LEPROTL1: variants seen among roughly 807,000 people sequenced by gnomAD.
LEPROTL1 encodes the protein leptin receptor overlapping transcript like 1, also known as leptin receptor overlapping transcript-like 1.
A neutral mutation model predicts 15.4 loss-of-function variants in LEPROTL1; 6 were observed. That is an observed-to-expected ratio of 0.39 (90% confidence interval 0.21 to 0.77). The LOEUF (loss-of-function observed/expected upper bound fraction) is 0.77, where lower values mean the gene tolerates loss of function less well. LEPROTL1 is among the 30% of genes least tolerant of loss of function. LEPROTL1 has a pLI of 0.41. For synonymous variants in LEPROTL1, 56 were observed against 52.6 expected (o/e 1.06, Z -0.28); for missense variants, 128 against 158.1 (o/e 0.81, Z 1.02).
chr8:30,127,279 C>T (rs1269151895), intron 3 of LEPROTL1, among the ~76,000 whole-genome samples: 3 of 152,282 alleles, frequency 2.0e-5, no homozygotes, highest in East Asian at 3.9e-4. Flanking sequence ...TTCTTAATCA[C>T]CAAACTCTCA....
At chr8:30,110,317 T>TA (rs538062055), downstream of LEPROTL1, among the ~76,000 whole-genome samples, 15 of 152,242 alleles carry the variant, frequency 9.9e-5, no homozygotes, top group South Asian at 3.1e-3. Flanking sequence ...ATAAAACACT[T>TA]ATCTTTCAAC....
downstream of LEPROTL1, among the ~76,000 whole-genome samples, chr8:30,112,309 C>T (rs1460835238): frequency 6.8e-6 from 1 of 147,932 alleles, no homozygotes. Context: ...GATCTCGGCT[C>T]ACTGCAACCT....
In LEPROTL1 at chr8:30,105,906, G is replaced by T. The variant is rs200526340; in HGVS notation, c.*44G>T. The T allele has an allele frequency of 1.3e-4, 188 of 1,448,980 alleles. No individual in the cohort carries two copies. Among genetic ancestry groups the T allele is most frequent in the Admixed American group, 2.7e-4 (11 of 40,456 alleles). The allele number at this position is 1,448,980 out of a possible 1,614,324, so 89.8% of individuals were successfully genotyped here. ...TTGTCAAATGGACTTCCTGTCATTT[G>T]TTGGCCATTCACGCACACAGGAGAT... On this transcript the variant is annotated 3_prime_UTR_variant, in exon 4 of 4. Coordinates refer to ENST00000321250, the MANE Select transcript of LEPROTL1 (RefSeq NM_015344.3).
At chr8:30,112,243 T>C (rs1402854411), downstream of LEPROTL1, among the ~76,000 whole-genome samples, 1 of 151,882 alleles carries the variant, frequency 6.6e-6, no homozygotes, top group African/African-American at 2.4e-5. Context: ...CCATTTTTCT[T>C]TTCTTTCTTT....
rs776982911 is a variant in LEPROTL1 at position 30,123,599 on chromosome 8, G to A, written c.280-8776G>A. On this transcript the variant is annotated intron_variant, in intron 3 of 4. Coordinates refer to the LEPROTL1 transcript ENST00000442880. ...TACTAGCATTCCTCTGTTTCGCTCC[G>A]TCTCTCTCTCACTCACACACACATA... Among the ~76,000 whole-genome samples the A allele has an allele frequency of 7.9e-5, 12 of 151,986 alleles. No individual in the cohort carries two copies. In the South Asian group the frequency reaches 8.3e-4, roughly 10 times the overall value.
At chr8:30,132,686 GA>G (rs1563220692) in intron 4 of LEPROTL1, 2 of 1,551,712 alleles carry the variant, frequency 1.3e-6, no homozygotes, top group East Asian at 2.4e-5. Flanking sequence ...CCTTGAACAC[GA>G]GCCTGAAATC....
intron 4 of LEPROTL1, among the ~76,000 whole-genome samples, chr8:30,137,066 G>A (rs1377000009): frequency 2.0e-5 from 3 of 151,992 alleles, no homozygotes; most frequent in South Asian, 4.1e-4. Context: ...TGAACCAACC[G>A]CAGGCTAGAA....
Position 30,132,197 on chromosome 8 carries a change from C to A in LEPROTL1, c.280-178C>A, listed in dbSNP as rs138619158. 214 of 1,551,772 alleles carry A rather than the reference C, an allele frequency of 1.4e-4. No individual in the cohort carries two copies. The highest frequency in any genetic ancestry group is 1.7e-4 in the Non-Finnish European group (199 of 1,147,044). On this transcript the variant is annotated intron_variant, in intron 3 of 4. Coordinates refer to the LEPROTL1 transcript ENST00000442880. ...AGGTAGTCAGCTTCCACCATCACGG[C>A]CCAGCAAACGAAACCAAACACCTGT...
At chr8:30,131,613 T>G (rs141595358) in intron 3 of LEPROTL1, among the ~76,000 whole-genome samples, 1 of 152,148 alleles carries the variant, frequency 6.6e-6, no homozygotes, top group Non-Finnish European at 1.5e-5. Context: ...AACATTCAAT[T>G]TTGGGGTGTC....
At chr8:30,132,547 C>A in intron 4 of LEPROTL1, 1 of 1,551,740 alleles carries the variant, frequency 6.4e-7, no homozygotes, top group Non-Finnish European at 8.7e-7. Context: ...GAATTGCTGG[C>A]AATCAGTCAG....
Position 30,105,963 on chromosome 8 carries a change from C to T in LEPROTL1, c.*101C>T. On this transcript the variant is annotated 3_prime_UTR_variant, in exon 4 of 4. Transcript: ENST00000321250. ...GTTAATGCTGAATGGTATAGCAAGC[C>T]TCTTGGGGGTATTTTAGGTGCTCCC... is the stretch of plus-strand genomic sequence containing the variant. The T allele has an allele frequency of 7.6e-7, 1 of 1,318,050 alleles. No individual in the cohort carries two copies. Among genetic ancestry groups the T allele is most frequent in the Non-Finnish European group, 9.8e-7 (1 of 1,021,134 alleles). The allele number at this position is 1,318,050 out of a possible 1,614,324, so 81.6% of individuals were successfully genotyped here.
chr8:30,114,288 T>C (rs1802701151), intron 3 of LEPROTL1, among the ~76,000 whole-genome samples: 1 of 151,166 alleles, frequency 6.6e-6, no homozygotes, highest in African/African-American at 2.4e-5. Context: ...TTTGTTTTGT[T>C]TTGTTTTGTT....
downstream of LEPROTL1, chr8:30,137,791 A>G (rs1049584843): frequency 3.5e-5 from 14 of 404,960 alleles, no homozygotes; most frequent in Admixed American, 5.9e-4. Context: ...CCTGGAAACT[A>G]GACTGCCTTT....
chr8:30,124,287 C>T (rs969944368), intron 3 of LEPROTL1, among the ~76,000 whole-genome samples: 2 of 152,042 alleles, frequency 1.3e-5, no homozygotes, highest in Admixed American at 6.6e-5. Flanking sequence ...ATCTGACTTC[C>T]TTCTTCCTTA....
intron 3 of LEPROTL1, chr8:30,117,304 A>G (rs1187516611): frequency 1.4e-6 from 1 of 725,292 alleles, no homozygotes; most frequent in Non-Finnish European, 2.3e-6. Flanking sequence ...CCTGGACAAA[A>G]TAGTGAGACC....
Position 30,106,130 on chromosome 8 carries a change from A to G in LEPROTL1, c.*268A>G. The G allele has an allele frequency of 2.0e-6, 2 of 1,011,704 alleles. No homozygotes were observed. Among genetic ancestry groups the G allele is most frequent in the Non-Finnish European group, 1.2e-6 (1 of 846,870 alleles). 62.7% of individuals were successfully genotyped at this position (1,011,704 alleles called of 1,614,324 possible). A position where few individuals can be genotyped will look rare whatever the true frequency, so the allele number is the denominator to read the frequency against. The stretch of plus-strand genomic sequence containing the variant: ...GGTGTCCTGCTGAATTTAAATATTT[A>G]TGTGTTTTTCCTGTTAGGTTGATTT... On this transcript the variant is annotated 3_prime_UTR_variant, in exon 4 of 4. Transcript: ENST00000321250.
intron 3 of LEPROTL1, among the ~76,000 whole-genome samples, chr8:30,118,055 C>T (rs369414044): frequency 6.2e-5 from 8 of 128,092 alleles, no homozygotes; most frequent in African/African-American, 2.5e-4. Context: ...GACAGAGTCT[C>T]GCTCTGTCTT....
chr8:30,101,258 T>G (rs1428637172), intron 1 of LEPROTL1, among the ~76,000 whole-genome samples: 1 of 152,118 alleles, frequency 6.6e-6, no homozygotes, highest in Non-Finnish European at 1.5e-5. Context: ...ATCTGTGAAG[T>G]AAATATAATT....
chr8:30,115,980 A>G lies in LEPROTL1; in HGVS notation c.279+11494A>G, dbSNP rs559717755. ...ATTAAAAGCCTTCTGTAATGTTGTG[A>G]TATAATAAGAAATATATTGGGAGGC... On this transcript the variant is annotated intron_variant, in intron 3 of 4. Coordinates refer to the LEPROTL1 transcript ENST00000442880. Among the ~76,000 whole-genome samples the G allele has an allele frequency of 3.9e-5, 6 of 152,224 alleles. No homozygotes were observed. The East Asian group carries it at 1.2e-3, about 30-fold the overall frequency.
Sources: gnomAD v4.1 joint callset for allele counts (sites outside exome capture counted in the v4.1 genomes callset) on GRCh38, gnomAD v4.1.1 for gene constraint, MANE v1.5 for transcripts, NCBI Gene and HGNC (gene_info 2026-07-23, HGNC 2026-07-21) for gene names.